The following RALGPS2 variants were observed in gnomAD, a reference collection of about 807,000 sequenced individuals.
RALGPS2 encodes Ral GEF with PH domain and SH3 binding motif 2.
Under a neutral mutation model 86.8 loss-of-function variants are expected in RALGPS2, and 43 were observed. The ratio of observed to expected loss-of-function variants is 0.50; its 90% CI spans 0.39 to 0.64. RALGPS2 has a LOEUF of 0.64. Ranked by LOEUF, RALGPS2 falls within the 30% of genes least tolerant of loss-of-function variation. The pLI, the probability that RALGPS2 is intolerant of heterozygous loss-of-function variation, is 0.00. For synonymous variants in RALGPS2, 243 were observed against 231.3 expected, an observed-to-expected ratio of 1.05 and a Z score of -0.46; for missense variants, 536 against 694.6, an observed-to-expected ratio of 0.77 and a Z score of 2.57.
intron 2 of RALGPS2, among the ~76,000 whole-genome samples, chr1:178,781,619 G>T (rs753999127): frequency 1.3e-5 from 2 of 152,192 alleles, no homozygotes; most frequent in Non-Finnish European, 1.5e-5. Flanking sequence ...GGAAAAAAGA[G>T]AAGTGTTTAT....
intron 2 of RALGPS2, among the ~76,000 whole-genome samples, chr1:178,777,465 G>A (rs1653154586): frequency 3.3e-5 from 5 of 151,620 alleles, no homozygotes; most frequent in Admixed American, 3.3e-4. Flanking sequence ...TGGCCATACT[G>A]CCCAAGGTAA....
chr1:178,786,998 T>C (rs543100287), intron 4 of RALGPS2, among the ~76,000 whole-genome samples: 2 of 150,968 alleles, frequency 1.3e-5, no homozygotes, highest in East Asian at 1.9e-4. Context: ...TCCTAACTTT[T>C]CCCCCATACC....
intron 17 of RALGPS2, among the ~76,000 whole-genome samples, chr1:178,901,269 G>GCCTT (rs1161341058): frequency 1.3e-5 from 2 of 152,164 alleles, no homozygotes; most frequent in Admixed American, 6.6e-5. Context: ...AACCGTCAAA[G>GCCTT]CCTTCCCAGA....
intron 1 of RALGPS2, among the ~76,000 whole-genome samples, chr1:178,728,402 CTTTT>C (rs67007360): frequency 7.7e-6 from 1 of 129,628 alleles, no homozygotes; most frequent in Non-Finnish European, 1.6e-5. Flanking sequence ...CGAAAGTATG[CTTTT>C]TTTTTTTTTT....
At chr1:178,831,156 G>A (rs1655999583) in intron 7 of RALGPS2, among the ~76,000 whole-genome samples, 1 of 152,160 alleles carries the variant, frequency 6.6e-6, no homozygotes, top group Non-Finnish European at 1.5e-5. Context: ...GTGGTTACTG[G>A]TTACCTCTTA....
intron 4 of RALGPS2, among the ~76,000 whole-genome samples, chr1:178,787,292 T>A (rs1278145561): frequency 6.6e-6 from 1 of 152,204 alleles, no homozygotes. Context: ...AGATCAGTGC[T>A]GTCTAGCAGA....
intron 6 of RALGPS2, among the ~76,000 whole-genome samples, chr1:178,818,108 C>G (rs2102217686): frequency 6.6e-6 from 1 of 152,250 alleles, no homozygotes; most frequent in African/African-American, 2.4e-5. Context: ...CGCCTGTAAT[C>G]CTAGCACTCT....
At chr1:178,906,145 G>C (rs578131350) in intron 18 of RALGPS2, among the ~76,000 whole-genome samples, 1 of 152,276 alleles carries the variant, frequency 6.6e-6, no homozygotes, top group East Asian at 1.9e-4. Context: ...AGCCAAGGCA[G>C]GCACATCACT....
chr1:178,756,271 T>A (rs1423152496), intron 1 of RALGPS2, among the ~76,000 whole-genome samples: 1 of 152,218 alleles, frequency 6.6e-6, no homozygotes, highest in Non-Finnish European at 1.5e-5. Context: ...TAGGTTTTTT[T>A]CTAGGGTTCT....
intron 6 of RALGPS2, among the ~76,000 whole-genome samples, chr1:178,819,681 T>C (rs1043198166): frequency 6.6e-6 from 1 of 152,232 alleles, no homozygotes; most frequent in Non-Finnish European, 1.5e-5. Flanking sequence ...TGAATTTTCA[T>C]AAGATGTGTT....
chr1:178,775,675 T>C (rs1329691826), intron 1 of RALGPS2, among the ~76,000 whole-genome samples: 2 of 152,138 alleles, frequency 1.3e-5, no homozygotes, highest in Non-Finnish European at 2.9e-5. Flanking sequence ...GCTTGAAACT[T>C]GTTCTTGGCT....
intron 19 of RALGPS2, among the ~76,000 whole-genome samples, chr1:178,914,846 G>A (rs1403098073): frequency 2.0e-5 from 3 of 152,102 alleles, no homozygotes; most frequent in Non-Finnish European, 4.4e-5. Flanking sequence ...AGTGTCTGGG[G>A]CAGAATGAAA....
intron 1 of RALGPS2, among the ~76,000 whole-genome samples, chr1:178,738,371 G>A (rs560085150): frequency 1.0e-3 from 154 of 151,964 alleles, no homozygotes; most frequent in African/African-American, 3.7e-3. Flanking sequence ...ACCATGCCTG[G>A]CTGATTTTTT....
chr1:178,806,580 A>G (rs890866979), intron 4 of RALGPS2, among the ~76,000 whole-genome samples: 1 of 152,020 alleles, frequency 6.6e-6, no homozygotes, highest in East Asian at 1.9e-4. Context: ...CAACTCTTCT[A>G]CTGACTTTCA....
intron 19 of RALGPS2, 104 bp from the exon 20 acceptor site, chr1:178,916,226 A>G (rs1279298507): frequency 1.4e-5 from 12 of 873,144 alleles, no homozygotes; most frequent in Non-Finnish European, 2.2e-5. Flanking sequence ...TTTAAAAGAT[A>G]CTTAAGTAGA....
intron 1 of RALGPS2, among the ~76,000 whole-genome samples, chr1:178,745,011 A>G (rs1004321857): frequency 1.3e-5 from 2 of 152,246 alleles, no homozygotes; most frequent in East Asian, 3.8e-4. Context: ...TTATTTAGCA[A>G]TGAGCAGTTG....
At chr1:178,831,003 C>G (rs1024100500) in intron 7 of RALGPS2, among the ~76,000 whole-genome samples, 4 of 152,174 alleles carry the variant, frequency 2.6e-5, no homozygotes. Context: ...CCCACAACTT[C>G]ATGGATGAAG....
chr1:178,804,062 T>C (rs889858504), intron 4 of RALGPS2, among the ~76,000 whole-genome samples: 9 of 142,590 alleles, frequency 6.3e-5, no homozygotes, highest in Non-Finnish European at 1.1e-4. Flanking sequence ...CCTGACTCAA[T>C]CTATTCCTTT....
chr1:178,814,417 G>A (rs1428720247), intron 6 of RALGPS2, among the ~76,000 whole-genome samples: 2 of 152,110 alleles, frequency 1.3e-5, no homozygotes, highest in African/African-American at 4.8e-5. Flanking sequence ...TACTAGCAGT[G>A]AAATTACTGA....
Sources: gnomAD v4.1 joint callset for allele counts (sites outside exome capture counted in the v4.1 genomes callset) on GRCh38, gnomAD v4.1.1 for gene constraint, MANE v1.5 for transcripts, NCBI Gene and HGNC (gene_info 2026-07-23, HGNC 2026-07-21) for gene names.